The following DAB1 variants were observed in gnomAD, a reference collection of about 807,000 sequenced individuals.
DAB1 encodes the protein disabled homolog 1.
DAB1 carries 15 observed loss-of-function variants against 64.6 expected under a neutral mutation model. The observed-to-expected ratio is 0.23, with a 90% confidence interval of 0.16 to 0.36. The LOEUF is 0.36. Among genes scored for constraint, DAB1 ranks in the 10% least tolerant of loss-of-function variants. The probability of loss-of-function intolerance (pLI) is 1.00; values close to 1 mark genes in which losing one functional copy is unlikely to be tolerated. For synonymous variants in DAB1, 235 were observed against 251.9 expected (o/e 0.93, Z 0.64); for missense variants, 596 against 706.7 (o/e 0.84, Z 1.78).
chr1:57,820,896 A>G (rs1652086056), intron 6 of DAB1, among the ~76,000 whole-genome samples: 1 of 152,238 alleles, frequency 6.6e-6, no homozygotes. Context: ...CCTCCCAGAT[A>G]TAAAGAGAAC....
chr1:58,236,767 T>A (rs1660062833), intron 4 of DAB1, among the ~76,000 whole-genome samples: 1 of 152,202 alleles, frequency 6.6e-6, no homozygotes, highest in Non-Finnish European at 1.5e-5. Context: ...AGGCCAAATG[T>A]CAATGCTATA....
chr1:58,481,307 T>A (rs1004792389), intron 3 of DAB1: 3 of 399,648 alleles, frequency 7.5e-6, no homozygotes, highest in African/African-American at 6.2e-5. Context: ...GGTATCTTGA[T>A]TATAACACAT....
chr1:57,477,812 T>C (rs1643956712), intron 7 of DAB1, among the ~76,000 whole-genome samples: 1 of 152,192 alleles, frequency 6.6e-6, no homozygotes, highest in Non-Finnish European at 1.5e-5. Flanking sequence ...ATGAAAGCTG[T>C]GAATAACTGC....
intron 2 of DAB1, among the ~76,000 whole-genome samples, chr1:58,521,155 A>C (rs1300637257): frequency 6.6e-6 from 1 of 152,218 alleles, no homozygotes; most frequent in Non-Finnish European, 1.5e-5. Context: ...TAAAATCATC[A>C]AATGTTCAAA....
At chr1:58,427,586 T>C (rs191183854) in intron 3 of DAB1, among the ~76,000 whole-genome samples, 70 of 152,258 alleles carry the variant, frequency 4.6e-4, no homozygotes, top group Admixed American at 1.8e-3. Flanking sequence ...GCCAGCAGTA[T>C]CTGCTGGATT....
At chr1:58,079,429 T>C (rs982448859) in intron 5 of DAB1, among the ~76,000 whole-genome samples, 2 of 152,118 alleles carry the variant, frequency 1.3e-5, no homozygotes, top group African/African-American at 4.8e-5. Flanking sequence ...GACAGGGAAG[T>C]TTGTTCACTG....
At chr1:57,352,321 T>C (rs1315025665) in intron 1 of DAB1, among the ~76,000 whole-genome samples, 1 of 152,160 alleles carries the variant, frequency 6.6e-6, no homozygotes, top group Non-Finnish European at 1.5e-5. Context: ...GAAAAATGCA[T>C]ATAAAGTACT....
intron 6 of DAB1, among the ~76,000 whole-genome samples, chr1:57,690,194 T>C (rs112148738): frequency 0.015 from 2,272 of 152,268 alleles, 49 homozygotes; most frequent in African/African-American, 0.052. Flanking sequence ...ATCTTGGCTA[T>C]TGTGAACAGG....
chr1:58,087,841 G>T (rs887541563), intron 5 of DAB1, among the ~76,000 whole-genome samples: 1 of 152,166 alleles, frequency 6.6e-6, no homozygotes, highest in African/African-American at 2.4e-5. Context: ...TTGATGTTTG[G>T]TTTATTCATT....
rs774505115 is a variant in DAB1, at chr1:57,015,068, A to C, written c.1259T>G (p.Met420Arg). The C allele has an allele frequency of 3.7e-6, 6 of 1,614,080 alleles. No individual in the cohort carries two copies. Among genetic ancestry groups the C allele is most frequent in the East Asian group, 2.2e-5 (1 of 44,894 alleles). ...MGKETFKDFQ[M>R]AQPPPVPSRK... The stretch of plus-strand genomic sequence containing the variant: ...GGAGGGCACGGGCGGAGGCTGGGCC[A>C]TCTGGAAATCCTTAAACGTTTCTTT... The change falls in exon 12 of 15, where the codon ATG becomes AGG. Residue 420 changes from methionine to arginine, a missense_variant. By Grantham distance (91) the Met-to-Arg change is moderately conservative (BLOSUM62 -1). Around this residue, in one of 3 missense-constraint regions of DAB1, gnomAD observed 377 missense variants for 400.4 expected, o/e 0.94. Transcript: ENST00000371236.
intron 1 of DAB1, among the ~76,000 whole-genome samples, chr1:57,336,435 A>T (rs748863777): frequency 6.6e-6 from 1 of 152,224 alleles, no homozygotes; most frequent in African/African-American, 2.4e-5. Context: ...AGAAATAGGT[A>T]TAATGCAGCC....
chr1:57,149,127 T>C (rs1422568492), intron 2 of DAB1, among the ~76,000 whole-genome samples: 2 of 152,186 alleles, frequency 1.3e-5, no homozygotes, highest in African/African-American at 4.8e-5. Context: ...TTGGTTTCTT[T>C]TACTTAGCAG....
intron 1 of DAB1, among the ~76,000 whole-genome samples, chr1:57,409,283 A>T (rs1030426332): frequency 1.3e-5 from 2 of 152,132 alleles, no homozygotes; most frequent in African/African-American, 4.8e-5. Context: ...TCACACTTTC[A>T]GTTCTTCCAA....
intron 5 of DAB1, among the ~76,000 whole-genome samples, chr1:58,038,849 T>C (rs1189323752): frequency 2.0e-5 from 3 of 152,214 alleles, no homozygotes; most frequent in Non-Finnish European, 4.4e-5. Flanking sequence ...AAATATGTGC[T>C]ATGAATAATA....
chr1:57,764,014 C>T (rs1461720019), intron 6 of DAB1, among the ~76,000 whole-genome samples: 2 of 152,196 alleles, frequency 1.3e-5, no homozygotes, highest in Non-Finnish European at 2.9e-5. Context: ...AAGACTATCA[C>T]ATGTGTTCTC....
chr1:57,200,912 T>C (rs1376647597), intron 2 of DAB1, among the ~76,000 whole-genome samples: 2 of 152,246 alleles, frequency 1.3e-5, no homozygotes, highest in Non-Finnish European at 2.9e-5. Flanking sequence ...AGCATCTCAA[T>C]TCATTACAGG....
At chr1:57,695,420 G>GA (rs1449640969) in intron 6 of DAB1, among the ~76,000 whole-genome samples, 2 of 118,984 alleles carry the variant, frequency 1.7e-5, no homozygotes, top group African/African-American at 6.8e-5. Context: ...AAGAAAGAAA[G>GA]AAAGAAAGAA....
At chr1:57,842,564 T>A (rs950312878) in intron 1 of DAB1, among the ~76,000 whole-genome samples, 1 of 152,192 alleles carries the variant, frequency 6.6e-6, no homozygotes, top group African/African-American at 2.4e-5. Context: ...CAGTTCTGAA[T>A]GGCTGGGGAG....
chr1:57,348,613 A>T (rs12119210), intron 1 of DAB1, among the ~76,000 whole-genome samples: 2 of 151,850 alleles, frequency 1.3e-5, no homozygotes, highest in Non-Finnish European at 2.9e-5. Flanking sequence ...CATTTCACTC[A>T]TCTTGCCAGA....
Sources: allele counts gnomAD v4.1 joint callset (sites outside exome capture counted in the v4.1 genomes callset), GRCh38; gene constraint gnomAD v4.1.1; regional missense constraint gnomAD v4.1.1; transcripts MANE v1.5; gene names NCBI Gene and HGNC (gene_info 2026-07-23, HGNC 2026-07-21).